Variants in CHRM4 observed in about 807,000 individuals in gnomAD.
CHRM4 encodes the protein cholinergic receptor muscarinic 4, also known as muscarinic acetylcholine receptor M4.
A neutral mutation model predicts 26.3 loss-of-function variants in CHRM4; 5 were observed. That is an observed-to-expected ratio of 0.19 (90% confidence interval 0.10 to 0.40). CHRM4 has a LOEUF of 0.40. CHRM4 is among the 10% of genes least tolerant of loss of function. The pLI is 1.00. For synonymous variants in CHRM4, 290 were observed against 285.3 expected, an observed-to-expected ratio of 1.02 and a Z score of -0.16; for missense variants, 402 against 664.5, an observed-to-expected ratio of 0.60 and a Z score of 4.34.
Position 46,385,125 on chromosome 11 carries a change from G to T in CHRM4, c.1433C>A (p.Ala478Asp), listed in dbSNP as rs1384147923. ...LLCQYRNIGT[A>D]R ...TAGGGCACTCCTGCCTGCCTACCTG[G>T]CAGTGCCGATGTTCCGATACTGGCA... Residue 478 changes from alanine (A) to aspartate (D), a missense_variant, in exon 2 of 2, where the codon GCC becomes GAC. Physicochemically the swap from Ala to Asp is moderately radical, Grantham distance 126. Around this residue, in one of 5 missense-constraint regions of CHRM4, gnomAD observed 55 missense variants for 126.4 expected, o/e 0.44. Coordinates refer to ENST00000682254, the MANE Select transcript of CHRM4 (RefSeq NM_000741.5). The surrounding 1 kb of genome is among the most constrained non-coding windows in gnomAD (Gnocchi z 6.3). 6.2e-7 allele frequency: 1 copy of T among 1,606,248 alleles called. No individual in the cohort carries two copies. The highest frequency in any genetic ancestry group is 1.1e-5 in the South Asian group (1 of 90,846).
chr11:46,389,536 G>A (rs962216284), intron 1 of CHRM4, among the ~76,000 whole-genome samples: 1 of 152,226 alleles, frequency 6.6e-6, no homozygotes, highest in Non-Finnish European at 1.5e-5. Context: ...TCTGGGGAGC[G>A]AGCCGCCGCC....
chr11:46,385,288 T>C lies in CHRM4; in HGVS notation c.1270A>G (p.Thr424Ala). ...TPYNVMVLVN[T>A]FCQSCIPDTV... ...TCAGGGATGCAGCTCTGGCAGAAGG[T>C]GTTCACCAGGACCATGACGTTGTAG... The change falls in exon 2 of 2, where the codon ACC (threonine) becomes GCC (alanine). Residue 424 changes from threonine (T) to alanine (A), a missense_variant. Coordinates refer to ENST00000682254, the MANE Select transcript of CHRM4 (RefSeq NM_000741.5). This position sits in a 1 kb window ranked among gnomAD's most constrained non-coding sequence, Gnocchi z 6.3. 3 of 1,614,018 alleles carry C rather than the reference T, an allele frequency of 1.9e-6. No individual in the cohort carries two copies. The highest frequency in any genetic ancestry group is 2.5e-6 in the Non-Finnish European group (3 of 1,179,964).
Position 46,384,403 on chromosome 11 carries a change from G to A in CHRM4, c.*715C>T, listed in dbSNP as rs1025806243. ...TGACCTGGGACAGCCTTCTAAGGCCGGGGCTGCAGGGGGCTGTCTTCTGAA... is the reference window on the plus strand; with the variant it reads ...TGACCTGGGACAGCCTTCTAAGGCCAGGGCTGCAGGGGGCTGTCTTCTGAA... On this transcript the variant is annotated 3_prime_UTR_variant, in exon 2 of 2. Coordinates refer to ENST00000682254, the MANE Select transcript of CHRM4 (RefSeq NM_000741.5). Among the ~76,000 whole-genome samples the A allele has an allele frequency of 1.3e-5, 2 of 152,242 alleles. No individual in the cohort carries two copies. Among genetic ancestry groups the A allele is most frequent in the Non-Finnish European group, 2.9e-5 (2 of 68,038 alleles).
rs763235994 is a variant in CHRM4 at position 46,385,575 on chromosome 11, A to G, written c.983T>C (p.Leu328Pro). 3 of 1,559,228 alleles carry G rather than the reference A, an allele frequency of 1.9e-6. No individual in the cohort carries two copies. Among genetic ancestry groups the G allele is most frequent in the South Asian group, 1.2e-5 (1 of 82,618 alleles). Residue 328 changes from leucine to proline, a missense_variant, in exon 2 of 2, where the codon CTG becomes CCG. Leu to Pro is a moderately conservative substitution (Grantham distance 98). Coordinates refer to ENST00000682254, the MANE Select transcript of CHRM4 (RefSeq NM_000741.5). The surrounding 1 kb of genome is among the most constrained non-coding windows in gnomAD (Gnocchi z 6.3). ...ATTPAMPAPP[L>P]QPRALNPASR... ...GGCTGGGTTGAGGGCCCGCGGCTGCAGGGGAGGGGCGGGCATGGCGGGCGT... is the reference window on the plus strand; with the variant it reads ...GGCTGGGTTGAGGGCCCGCGGCTGCGGGGGAGGGGCGGGCATGGCGGGCGT...
At chr11:46,390,464 C>T (rs1945381383) in intron 1 of CHRM4, among the ~76,000 whole-genome samples, 2 of 152,268 alleles carry the variant, frequency 1.3e-5, no homozygotes, top group African/African-American at 4.8e-5. Flanking sequence ...CGCCCATTCT[C>T]GCGGCGAGAG....
intron 1 of CHRM4, among the ~76,000 whole-genome samples, chr11:46,389,766 C>T (rs973322442): frequency 7.9e-5 from 12 of 152,312 alleles, no homozygotes; most frequent in South Asian, 2.1e-4. Context: ...GCGGGGTTCT[C>T]GGGTGGGAAA....
At chr11:46,390,468 G>T (rs535882229) in intron 1 of CHRM4, among the ~76,000 whole-genome samples, 21 of 152,376 alleles carry the variant, frequency 1.4e-4, no homozygotes, top group African/African-American at 5.0e-4. Flanking sequence ...CATTCTCGCG[G>T]CGAGAGGGCA....
Position 46,385,088 on chromosome 11 carries a change from A to G in CHRM4, c.*30T>C. The stretch of plus-strand genomic sequence containing the variant: ...GGTCCCCCCAGCACACGCACGCAAC[A>G]CCAGCACCTCCTAGGGCACTCCTGC... On this transcript the variant is annotated 3_prime_UTR_variant, in exon 2 of 2. Transcript: ENST00000682254. This position sits in a 1 kb window ranked among gnomAD's most constrained non-coding sequence, Gnocchi z 6.3. 1 of 1,560,254 alleles carries G rather than the reference A, an allele frequency of 6.4e-7. No homozygotes were observed. Among genetic ancestry groups the G allele is most frequent in the East Asian group, 2.3e-5 (1 of 42,934 alleles).
intron 1 of CHRM4, among the ~76,000 whole-genome samples, chr11:46,390,651 C>G (rs1590685088): frequency 6.6e-6 from 1 of 152,266 alleles, no homozygotes; most frequent in Admixed American, 6.5e-5. Context: ...GCCTCGAGGG[C>G]CGTGTTTTCC....
chr11:46,390,432 A>T (rs1945381084), intron 1 of CHRM4, among the ~76,000 whole-genome samples: 1 of 152,234 alleles, frequency 6.6e-6, no homozygotes, highest in Non-Finnish European at 1.5e-5. Flanking sequence ...TAACTCCCCT[A>T]AGAGGCGTTA....
Position 46,391,166 on chromosome 11 carries a change from G to A in CHRM4, c.-30+365C>T, listed in dbSNP as rs564025044. Among the ~76,000 whole-genome samples, 233 of 151,996 alleles carry A rather than the reference G, an allele frequency of 1.5e-3. 3 individuals carry two copies. Among genetic ancestry groups the A allele is most frequent in the Non-Finnish European group, 2.4e-3 (160 of 67,884 alleles). ...TCGTAGATGGAGGACTCCAGGGGCCGGAGTGGGCTGGCAGCGCGGGGGCAA... is the reference window on the plus strand; with the variant it reads ...TCGTAGATGGAGGACTCCAGGGGCCAGAGTGGGCTGGCAGCGCGGGGGCAA... On this transcript the variant is annotated intron_variant, in intron 1 of 1. Transcript: ENST00000682254. The surrounding 1 kb of genome is among the most constrained non-coding windows in gnomAD (Gnocchi z 6.3).
chr11:46,390,826 G>T (rs1048808662), intron 1 of CHRM4, among the ~76,000 whole-genome samples: 1 of 152,266 alleles, frequency 6.6e-6, no homozygotes, highest in African/African-American at 2.4e-5. Context: ...GGGCGAGACC[G>T]GAGGGGGTGC....
In CHRM4 at chr11:46,385,755, C is replaced by A; in HGVS notation, c.803G>T (p.Arg268Leu). Residue 268 changes from arginine (R) to leucine (L), a missense_variant, in exon 2 of 2, where the codon CGC becomes CTC. Coordinates refer to ENST00000682254, the MANE Select transcript of CHRM4 (RefSeq NM_000741.5). The surrounding 1 kb of genome is among the most constrained non-coding windows in gnomAD (Gnocchi z 6.3). ...PPGEAAREEL[R>L]NGKLEEAPPP... Reference sequence around the variant, plus strand: ...GGGGGCCTCCTCCAGCTTGCCATTGCGCAGCTCCTCCCGGGCGGCCTCCCC... The same window carrying A: ...GGGGGCCTCCTCCAGCTTGCCATTGAGCAGCTCCTCCCGGGCGGCCTCCCC... The A allele has an allele frequency of 6.3e-7, 1 of 1,596,470 alleles. No individual in the cohort carries two copies. Among genetic ancestry groups the A allele is most frequent in the South Asian group, 1.1e-5 (1 of 89,392 alleles).
intron 1 of CHRM4, among the ~76,000 whole-genome samples, chr11:46,389,862 C>T (rs576465445): frequency 6.6e-6 from 1 of 152,238 alleles, no homozygotes; most frequent in African/African-American, 2.4e-5. Flanking sequence ...TGTGTGCCTA[C>T]GGGGGAGCGC....
chr11:46,387,315 T>C (rs1315558274), intron 1 of CHRM4, among the ~76,000 whole-genome samples: 1 of 152,210 alleles, frequency 6.6e-6, no homozygotes, highest in African/African-American at 2.4e-5. Context: ...ATCTATTTAT[T>C]TGTAGAGACA....
In CHRM4 at chr11:46,386,890, T is replaced by A. The variant is rs922858277; in HGVS notation, c.-29-304A>T. On this transcript the variant is annotated intron_variant, in intron 1 of 1. Coordinates refer to ENST00000682254, the MANE Select transcript of CHRM4 (RefSeq NM_000741.5). The surrounding 1 kb of genome is among the most constrained non-coding windows in gnomAD (Gnocchi z 5.8). ...AAAAAAAGGCAGGGTGATGAGAGAGTGAGTCAGAAGGCAGGACAGGCATGA... is the reference window on the plus strand; with the variant it reads ...AAAAAAAGGCAGGGTGATGAGAGAGAGAGTCAGAAGGCAGGACAGGCATGA... Among the ~76,000 whole-genome samples the A allele has an allele frequency of 6.6e-6, 1 of 150,814 alleles. No individual in the cohort carries two copies. Among genetic ancestry groups the A allele is most frequent in the Non-Finnish European group, 1.5e-5 (1 of 67,736 alleles).
In CHRM4 at chr11:46,391,558, G is replaced by C. The variant is rs570196617; in HGVS notation, c.-57C>G. 2.8e-3 allele frequency among the ~76,000 whole-genome samples: 428 copies of C among 152,136 alleles called. No homozygotes were observed. The highest frequency in any genetic ancestry group is 6.6e-3 in the Admixed American group (101 of 15,294). ...CTGGGGAGCCTCAGAGCGTCCCGGGGACCTGCTTCCTGCTCTTCCCGGCGA... is the reference window on the plus strand; with the variant it reads ...CTGGGGAGCCTCAGAGCGTCCCGGGCACCTGCTTCCTGCTCTTCCCGGCGA... On this transcript the variant is annotated 5_prime_UTR_variant, in exon 1 of 2. Transcript: ENST00000682254. The surrounding 1 kb of genome is among the most constrained non-coding windows in gnomAD (Gnocchi z 6.3).
chr11:46,388,310 C>G (rs530105925), intron 1 of CHRM4, among the ~76,000 whole-genome samples: 1 of 152,256 alleles, frequency 6.6e-6, no homozygotes, highest in Non-Finnish European at 1.5e-5. Context: ...TGGCCTGAGA[C>G]GATCCACTGC....
At position 46,386,668 on chromosome 11, in the gene CHRM4, CAGAG is replaced by C; in HGVS notation, c.-29-86_-29-83del. On this transcript the variant is annotated intron_variant, in intron 1 of 1. Transcript: ENST00000682254. This position sits in a 1 kb window ranked among gnomAD's most constrained non-coding sequence, Gnocchi z 5.8. ...TGGAGGTACACTGGATTCAAGGTGACAGAGGGACATTCTCTGGCAGAATGCCTTG... is the reference window on the plus strand; with the variant it reads ...TGGAGGTACACTGGATTCAAGGTGACGGACATTCTCTGGCAGAATGCCTTG... 3.0e-6 allele frequency: 4 copies of C among 1,348,354 alleles called. No homozygotes were observed. The South Asian group carries it at 5.5e-5, about 18-fold the overall frequency. The allele number at this position is 1,348,354 out of a possible 1,614,324, so 83.5% of individuals were successfully genotyped here.
Sources: gnomAD v4.1 joint callset for allele counts (sites outside exome capture counted in the v4.1 genomes callset) on GRCh38, gnomAD v4.1.1 for gene constraint, gnomAD v4.1.1 regional missense constraint, Gnocchi (gnomAD v3.1) non-coding constraint, MANE v1.5 for transcripts, NCBI Gene and HGNC (gene_info 2026-07-23, HGNC 2026-07-21) for gene names.